The following DCAF8L2 variants were observed in gnomAD, a reference collection of about 807,000 sequenced individuals.
The protein encoded by DCAF8L2 is DDB1- and CUL4-associated factor 8-like protein 2.
For missense variants in DCAF8L2, 430 were observed against 490.7 expected (o/e 0.88, Z 1.17); for synonymous variants, 200 against 190.9 (o/e 1.05, Z -0.39).
chrX:27,543,886 CCAA>C, the DCAF8L2 span, among the ~76,000 whole-genome samples: 1 of 110,872 alleles, frequency 9.0e-6, no homozygotes, highest in African/African-American at 3.3e-5. Context: ...TTTCTGACCC[CCAA>C]CAATATACTT....
At chrX:27,706,068 T>C (rs928185042) in intron 3 of DCAF8L2, among the ~76,000 whole-genome samples, 3 of 111,077 alleles carry the variant, frequency 2.7e-5, no homozygotes, top group Non-Finnish European at 5.7e-5. Context: ...CCCTATTGCT[T>C]GTTTTTGTCA....
At chrX:27,673,714 T>C (rs113424353) in intron 2 of DCAF8L2, among the ~76,000 whole-genome samples, 8 of 108,549 alleles carry the variant, frequency 7.4e-5, no homozygotes, top group African/African-American at 2.4e-4. Context: ...TATATATATA[T>C]ACACACACAC....
the DCAF8L2 span, among the ~76,000 whole-genome samples, chrX:27,500,314 T>A: frequency 2.7e-5 from 3 of 111,664 alleles, no homozygotes; most frequent in South Asian, 1.1e-3. Context: ...TATTTAGAAA[T>A]CAATATACCA....
chrX:27,683,265 C>T (rs763948384), intron 3 of DCAF8L2, among the ~76,000 whole-genome samples: 4 of 111,920 alleles, frequency 3.6e-5, no homozygotes, highest in African/African-American at 1.3e-4. Flanking sequence ...CACTGTCAAT[C>T]TCTGCTCTTC....
chrX:27,498,228 T>C, the DCAF8L2 span, among the ~76,000 whole-genome samples: 1 of 112,395 alleles, frequency 8.9e-6, no homozygotes, highest in Non-Finnish European at 1.9e-5. Context: ...TAGTTCTATT[T>C]TTAATTTTTT....
At chrX:27,490,444 GTTTGTTT>G in the DCAF8L2 span, among the ~76,000 whole-genome samples, 657 of 110,017 alleles carry the variant, frequency 6.0e-3, 4 homozygotes, top group Middle Eastern at 0.014. Context: ...TTGTGTGTTT[GTTTGTTT>G]TTTGTTTTTT....
the DCAF8L2 span, among the ~76,000 whole-genome samples, chrX:27,572,068 AT>A: frequency 1.8e-5 from 2 of 112,162 alleles, no homozygotes; most frequent in Non-Finnish European, 3.8e-5. Flanking sequence ...TTGTGTAATT[AT>A]TTTTGTAGCC....
At chrX:27,553,312 C>A in the DCAF8L2 span, among the ~76,000 whole-genome samples, 2 of 111,302 alleles carry the variant, frequency 1.8e-5, no homozygotes, top group Non-Finnish European at 3.8e-5. Context: ...CTTGCTGATT[C>A]TCTATCAAGA....
At chrX:27,548,390 A>T in the DCAF8L2 span, among the ~76,000 whole-genome samples, 1 of 111,494 alleles carries the variant, frequency 9.0e-6, no homozygotes, top group Non-Finnish European at 1.9e-5. Context: ...CTTTCTTCAA[A>T]ATGGTGTGGA....
At chrX:27,695,265 T>G (rs1930852812) in intron 3 of DCAF8L2, among the ~76,000 whole-genome samples, 2 of 112,506 alleles carry the variant, frequency 1.8e-5, no homozygotes, top group East Asian at 5.5e-4. Flanking sequence ...GGTGACCTTT[T>G]ATGAAGGTTA....
chrX:27,487,739 C>T, the DCAF8L2 span, among the ~76,000 whole-genome samples: 1 of 112,135 alleles, frequency 8.9e-6, no homozygotes, highest in Non-Finnish European at 1.9e-5. Flanking sequence ...TTTAACAATA[C>T]TACCATAGCA....
chrX:27,642,104 AG>A (rs1189810612), intron 2 of DCAF8L2, among the ~76,000 whole-genome samples: 2 of 108,353 alleles, frequency 1.8e-5, no homozygotes, highest in Middle Eastern at 4.7e-3. Flanking sequence ...CATGTTAGCC[AG>A]GATGGTCTCA....
chrX:27,640,071 T>C (rs983640629), intron 2 of DCAF8L2, among the ~76,000 whole-genome samples: 11 of 111,712 alleles, frequency 9.8e-5, no homozygotes, highest in African/African-American at 3.6e-4. Flanking sequence ...TATCTCCTAA[T>C]GCTATCCCTC....
intron 3 of DCAF8L2, among the ~76,000 whole-genome samples, chrX:27,683,532 T>G (rs1930397268): frequency 8.9e-6 from 1 of 112,438 alleles, no homozygotes; most frequent in Admixed American, 9.5e-5. Context: ...GCTGTTAATG[T>G]TCATGCTCCT....
At chrX:27,714,249 A>G (rs1223147571) in intron 3 of DCAF8L2, among the ~76,000 whole-genome samples, 1 of 111,984 alleles carries the variant, frequency 8.9e-6, no homozygotes, top group African/African-American at 3.2e-5. Context: ...CTCAAATAAC[A>G]CTAATTCTGC....
chrX:27,716,371 G>C (rs1037271924), intron 4 of DCAF8L2, among the ~76,000 whole-genome samples, 200 bp downstream of exon 4: 1 of 112,302 alleles, frequency 8.9e-6, no homozygotes, highest in African/African-American at 3.2e-5. Flanking sequence ...AAAAGTACTT[G>C]AATATTAGTT....
the DCAF8L2 span, among the ~76,000 whole-genome samples, chrX:27,496,317 C>T: frequency 9.0e-6 from 1 of 111,712 alleles, no homozygotes; most frequent in African/African-American, 3.2e-5. Flanking sequence ...TTGGTAAATA[C>T]ACCAAGCTGT....
the DCAF8L2 span, among the ~76,000 whole-genome samples, chrX:27,553,970 G>A: frequency 9.1e-6 from 1 of 109,691 alleles, no homozygotes; most frequent in Admixed American, 9.7e-5. Flanking sequence ...GGCATGTAAG[G>A]GTTTCAAGGG....
intron 3 of DCAF8L2, among the ~76,000 whole-genome samples, chrX:27,699,292 A>G (rs777467347): frequency 8.9e-6 from 1 of 112,040 alleles, no homozygotes; most frequent in East Asian, 2.8e-4. Context: ...AGACAGCACA[A>G]AAAGGGCAAA....
Sources: allele counts gnomAD v4.1 joint callset (sites outside exome capture counted in the v4.1 genomes callset), GRCh38; gene constraint gnomAD v4.1.1; transcripts MANE v1.5; gene names NCBI Gene and HGNC (gene_info 2026-07-23, HGNC 2026-07-21).